Variants in SLC6A17 observed in about 807,000 individuals in gnomAD.
The protein encoded by SLC6A17 is solute carrier family 6 member 17, also known as sodium-dependent neutral amino acid transporter SLC6A17.
Under a neutral mutation model 64.5 loss-of-function variants are expected in SLC6A17, and 21 were observed. That is an observed-to-expected ratio of 0.33 (90% CI 0.23 to 0.47). SLC6A17 has a LOEUF of 0.47. Ranked by LOEUF, SLC6A17 falls within the 20% of genes least tolerant of loss-of-function variation. SLC6A17 has a pLI of 1.00. For synonymous variants in SLC6A17, 372 were observed against 399.5 expected (o/e 0.93, Z 0.82); for missense variants, 682 against 963.2 (o/e 0.71, Z 3.86).
Position 110,192,419 on chromosome 1 carries a change from C to T in SLC6A17, c.1107-87C>T. The T allele has an allele frequency of 6.6e-7, 1 of 1,512,566 alleles. No homozygotes were observed. The highest frequency in any genetic ancestry group is 8.9e-7 in the Non-Finnish European group (1 of 1,118,536). 93.7% of individuals were successfully genotyped at this position (1,512,566 alleles called of 1,614,324 possible). A position where few individuals can be genotyped will look rare whatever the true frequency, so the allele number is the denominator to read the frequency against. On this transcript the variant is annotated intron_variant, in intron 7 of 11. Transcript: ENST00000331565. The surrounding 1 kb of genome is among the most constrained non-coding windows in gnomAD (Gnocchi z 4.3). Reference sequence around the variant, plus strand: ...CTCTGTCAGTGACCCATGAGGTTCCCACCTGGGTGCCTGGGAAGAGCCTCC... The same window carrying T: ...CTCTGTCAGTGACCCATGAGGTTCCTACCTGGGTGCCTGGGAAGAGCCTCC...
chr1:110,163,713 C>T (rs77247197), intron 1 of SLC6A17, among the ~76,000 whole-genome samples: 4 of 152,158 alleles, frequency 2.6e-5, no homozygotes, highest in Non-Finnish European at 5.9e-5. Context: ...CGTGCTCCTC[C>T]CTCCCCAGCA....
At chr1:110,158,618 A>G (rs1218456092) in intron 1 of SLC6A17, among the ~76,000 whole-genome samples, 1 of 152,218 alleles carries the variant, frequency 6.6e-6, no homozygotes, top group Non-Finnish European at 1.5e-5. Context: ...CTTCATCCCT[A>G]TCTTTTCAGG....
intron 1 of SLC6A17, among the ~76,000 whole-genome samples, chr1:110,158,374 T>G (rs1487313804): frequency 6.6e-6 from 1 of 152,240 alleles, no homozygotes; most frequent in African/African-American, 2.4e-5. Flanking sequence ...GTATCCCCTG[T>G]CAGCCCACTG....
At position 110,192,755 on chromosome 1, in the gene SLC6A17, C is replaced by T. The variant is rs1320557047; in HGVS notation, c.1299+57C>T. On this transcript the variant is annotated intron_variant, in intron 8 of 11. Transcript: ENST00000331565. The surrounding 1 kb of genome is among the most constrained non-coding windows in gnomAD (Gnocchi z 4.3). ...GCAGGAACCCAGAGAGCAGCTGTGG[C>T]CGGCGGGAGCTTGGGCTCAGGCCTC... 1 of 1,544,432 alleles carries T rather than the reference C, an allele frequency of 6.5e-7. No homozygotes were observed. The highest frequency in any genetic ancestry group is 8.7e-7 in the Non-Finnish European group (1 of 1,143,626).
chr1:110,182,893 T>A (rs1476214178), intron 6 of SLC6A17, among the ~76,000 whole-genome samples: 1 of 152,102 alleles, frequency 6.6e-6, no homozygotes, highest in Non-Finnish European at 1.5e-5. Flanking sequence ...TAGATACCAG[T>A]TATTCTCAGG....
intron 6 of SLC6A17, among the ~76,000 whole-genome samples, chr1:110,190,053 C>T (rs556201286): frequency 2.0e-5 from 3 of 152,352 alleles, no homozygotes; most frequent in Admixed American, 6.5e-5. Context: ...GCCTCTGCAT[C>T]GCCTAGCACC....
chr1:110,191,994 A>G lies in SLC6A17; in HGVS notation c.887A>G (p.Gln296Arg). ...TAGCTGGACAAGATGCTGGACCCCC[A>G]GGTGTGGCGGGAGGCAGCTACCCAG... ...TPKLDKMLDP[Q>R]VWREAATQVF... The change falls in exon 7 of 12, where the codon CAG (glutamine) becomes CGG (arginine). Residue 296 changes from glutamine to arginine, a missense_variant. Physicochemically the swap from Gln to Arg is conservative, Grantham distance 43. Transcript: ENST00000331565. The G allele has an allele frequency of 6.2e-7, 1 of 1,614,030 alleles. No homozygotes were observed.
chr1:110,169,576 A>G (rs1182076251), intron 2 of SLC6A17, among the ~76,000 whole-genome samples: 1 of 152,160 alleles, frequency 6.6e-6, no homozygotes, highest in Non-Finnish European at 1.5e-5. Flanking sequence ...AACCCCAGGA[A>G]TAACCTCGGG....
intron 2 of SLC6A17, among the ~76,000 whole-genome samples, chr1:110,168,785 C>A (rs931716153): frequency 1.3e-5 from 2 of 152,200 alleles, no homozygotes; most frequent in East Asian, 3.9e-4. Flanking sequence ...ATTCCAGAAT[C>A]CCTTTCTATG....
intron 1 of SLC6A17, among the ~76,000 whole-genome samples, chr1:110,161,765 C>T (rs1487178101): frequency 6.6e-6 from 1 of 152,190 alleles, no homozygotes; most frequent in Non-Finnish European, 1.5e-5. Flanking sequence ...CTCTTCCCTT[C>T]TCCTCCTCCC....
chr1:110,150,564 T>A lies in SLC6A17; in HGVS notation c.-407T>A, dbSNP rs1341796231. The stretch of plus-strand genomic sequence containing the variant: ...CCGTTCTGCTCCGCAGAGCCGGCGC[T>A]GCCAGGGCGCAGGGAGGGCGGCACT... On this transcript the variant is annotated 5_prime_UTR_variant, in exon 1 of 12. Coordinates refer to ENST00000331565, the MANE Select transcript of SLC6A17 (RefSeq NM_001010898.4). The A allele has an allele frequency of 1.3e-5, 2 of 152,310 alleles. No homozygotes were observed. Among genetic ancestry groups the A allele is most frequent in the African/African-American group, 2.4e-5 (1 of 41,462 alleles). 9.4% of individuals were successfully genotyped at this position (152,310 alleles called of 1,614,324 possible).
At chr1:110,158,507 G>T (rs2101837956) in intron 1 of SLC6A17, among the ~76,000 whole-genome samples, 1 of 152,358 alleles carries the variant, frequency 6.6e-6, no homozygotes, top group East Asian at 1.9e-4. Context: ...GTGGTAGCTG[G>T]CACTGGTTGA....
At chr1:110,172,968 C>G (rs1281039145) in intron 3 of SLC6A17, among the ~76,000 whole-genome samples, 1 of 152,270 alleles carries the variant, frequency 6.6e-6, no homozygotes, top group Non-Finnish European at 1.5e-5. Flanking sequence ...TTCTGCCAGG[C>G]CTGGCAGTAG....
At chr1:110,181,032 A>G (rs1053170456) in intron 6 of SLC6A17, among the ~76,000 whole-genome samples, 1 of 152,186 alleles carries the variant, frequency 6.6e-6, no homozygotes, top group Non-Finnish European at 1.5e-5. Context: ...GATGTGGCCA[A>G]GCTGCCATGA....
rs571947214 is a variant in SLC6A17 at position 110,198,812 on chromosome 1, G to C, written c.*368G>C. Reference sequence around the variant, plus strand: ...CTCTCCCTGTAACTTGCCACCTGCAGTTCTTAGGGCTGTGGGGTCAGATGG... The same window carrying C: ...CTCTCCCTGTAACTTGCCACCTGCACTTCTTAGGGCTGTGGGGTCAGATGG... On this transcript the variant is annotated 3_prime_UTR_variant, in exon 12 of 12. Coordinates refer to ENST00000331565, the MANE Select transcript of SLC6A17 (RefSeq NM_001010898.4). 9.5e-6 allele frequency: 2 copies of C among 211,156 alleles called. No homozygotes were observed. The highest frequency in any genetic ancestry group is 1.2e-4 in the East Asian group (1 of 8,134). 13.1% of individuals were successfully genotyped at this position (211,156 alleles called of 1,614,324 possible). A position where few individuals can be genotyped will look rare whatever the true frequency, so the allele number is the denominator to read the frequency against.
At chr1:110,173,023 T>C (rs879362738) in intron 3 of SLC6A17, among the ~76,000 whole-genome samples, 23 of 152,238 alleles carry the variant, frequency 1.5e-4, no homozygotes, top group South Asian at 2.1e-4. Flanking sequence ...AGAGGGCCTA[T>C]TGCAGCCCCC....
chr1:110,173,302 C>T lies in SLC6A17; in HGVS notation c.445-671C>T, dbSNP rs573388870. The stretch of plus-strand genomic sequence containing the variant: ...GCGCCAGTCTCACTGATGCAGGAGA[C>T]AGCCAGGCCTCTGGAAGGGACCACC... On this transcript the variant is annotated intron_variant, in intron 3 of 11. Transcript: ENST00000331565. Among the ~76,000 whole-genome samples the T allele has an allele frequency of 3.3e-5, 5 of 152,348 alleles. No individual in the cohort carries two copies. In the East Asian group the frequency reaches 5.8e-4, roughly 18 times the overall value.
At chr1:110,174,194 G>T in intron 4 of SLC6A17, 95 bp downstream of exon 4, 1 of 1,511,126 alleles carries the variant, frequency 6.6e-7, no homozygotes, top group Admixed American at 2.1e-5. Context: ...CAGACTTGTT[G>T]TGTCCCCTTG....
Position 110,172,215 on chromosome 1 carries a change from A to G in SLC6A17, c.442A>G (p.Ile148Val), listed in dbSNP as rs746727821. 6.3e-7 allele frequency: 1 copy of G among 1,582,342 alleles called. No homozygotes were observed. Among genetic ancestry groups the G allele is most frequent in the Non-Finnish European group, 8.6e-7 (1 of 1,165,518 alleles). The change falls in exon 3 of 12, where the codon ATA becomes GTA. Residue 148 changes from isoleucine (I) to valine (V), a missense_variant and splice_region_variant. Physicochemically the swap from Ile to Val is conservative, Grantham distance 29. Transcript: ENST00000331565. ...GGGGGGCATCGGCTTCTCCAGCTGCATAGTGAGTCAAGGGCTGGGGCAGGC... is the reference window on the plus strand; with the variant it reads ...GGGGGGCATCGGCTTCTCCAGCTGCGTAGTGAGTCAAGGGCTGGGGCAGGC... ...RLGGIGFSSC[I>V]VCLFVGLYYN...
Sources: gnomAD v4.1 joint callset for allele counts (sites outside exome capture counted in the v4.1 genomes callset) on GRCh38, gnomAD v4.1.1 for gene constraint, Gnocchi (gnomAD v3.1) non-coding constraint, MANE v1.5 for transcripts, NCBI Gene and HGNC (gene_info 2026-07-23, HGNC 2026-07-21) for gene names.